The following CNTNAP2 variants were observed in gnomAD, a reference collection of about 807,000 sequenced individuals.
CNTNAP2 encodes the protein contactin associated protein 2, also known as contactin-associated protein-like 2.
In CNTNAP2, 98 loss-of-function variants were observed where a neutral mutation model predicts 155.2. That is an observed-to-expected ratio of 0.63 (90% CI 0.54 to 0.75). The LOEUF (loss-of-function observed/expected upper bound fraction) is 0.75, where lower values mean the gene tolerates loss of function less well. Ranked by LOEUF, CNTNAP2 falls within the 30% of genes least tolerant of loss-of-function variation. The pLI, the probability that CNTNAP2 is intolerant of heterozygous loss-of-function variation, is 0.00. For synonymous variants in CNTNAP2, 651 were observed against 631.2 expected (o/e 1.03, Z -0.47); for missense variants, 1,727 against 1,688.1 (o/e 1.02, Z -0.40).
chr7:146,244,954 C>T (rs1335269757), intron 1 of CNTNAP2, among the ~76,000 whole-genome samples: 1 of 151,472 alleles, frequency 6.6e-6, no homozygotes, highest in African/African-American at 2.4e-5. Context: ...AGGGAGGGGG[C>T]CTGAATAATC....
chr7:147,056,128 C>T (rs1387905475), intron 4 of CNTNAP2, among the ~76,000 whole-genome samples: 1 of 152,136 alleles, frequency 6.6e-6, no homozygotes, highest in Non-Finnish European at 1.5e-5. Flanking sequence ...ACAACATGAA[C>T]AACATGTAAA....
chr7:146,869,407 G>A (rs968666016), intron 3 of CNTNAP2, among the ~76,000 whole-genome samples: 2 of 152,124 alleles, frequency 1.3e-5, no homozygotes, highest in East Asian at 3.9e-4. Flanking sequence ...TTGATGTGCT[G>A]CTGGTCTCAG....
At chr7:146,751,929 T>C (rs550532490) in intron 1 of CNTNAP2, among the ~76,000 whole-genome samples, 2 of 152,320 alleles carry the variant, frequency 1.3e-5, no homozygotes, top group African/African-American at 4.8e-5. Flanking sequence ...TCCAGCTTCA[T>C]CCATGTCTCT....
At chr7:147,374,790 T>C (rs1796406732) in intron 9 of CNTNAP2, among the ~76,000 whole-genome samples, 1 of 152,042 alleles carries the variant, frequency 6.6e-6, no homozygotes, top group Non-Finnish European at 1.5e-5. Flanking sequence ...CCTTAAAATA[T>C]TTTTGTCACG....
At chr7:146,388,110 A>C (rs952001144) in intron 1 of CNTNAP2, among the ~76,000 whole-genome samples, 3 of 148,402 alleles carry the variant, frequency 2.0e-5, no homozygotes, top group Non-Finnish European at 4.5e-5. Flanking sequence ...TTTAATTTTT[A>C]ACATTTATTT....
chr7:147,436,140 CTA>C (rs1797544556), intron 10 of CNTNAP2, among the ~76,000 whole-genome samples: 1 of 152,118 alleles, frequency 6.6e-6, no homozygotes. Flanking sequence ...TTATAAGCTA[CTA>C]GAAGAATAAA....
intron 13 of CNTNAP2, among the ~76,000 whole-genome samples, chr7:147,723,169 G>GAA (rs140730780): frequency 2.0e-5 from 3 of 149,272 alleles, no homozygotes; most frequent in Non-Finnish European, 4.5e-5. Context: ...TCTACTCCAT[G>GAA]AAAAAAAAAA....
intron 1 of CNTNAP2, among the ~76,000 whole-genome samples, chr7:146,548,593 C>T (rs11766238): frequency 0.38 from 57,668 of 151,766 alleles, 12,460 homozygotes; most frequent in South Asian, 0.51. Flanking sequence ...TGACTAGTGA[C>T]GCTAAGCAAT....
chr7:147,702,795 G>A (rs1015866655), intron 13 of CNTNAP2, among the ~76,000 whole-genome samples: 4 of 152,058 alleles, frequency 2.6e-5, no homozygotes, highest in East Asian at 1.9e-4. Flanking sequence ...GAAAGGCCTC[G>A]TGCTGTTGTA....
rs143609414 is a variant in CNTNAP2, at chr7:148,296,545, C to CAAAAAAAAAAAAAAAAAA, written c.3475+29425_3475+29442dup. On this transcript the variant is annotated intron_variant, in intron 21 of 23. Coordinates refer to ENST00000361727, the MANE Select transcript of CNTNAP2 (RefSeq NM_014141.6). ...TGGGAAACAGAGCAAGACTCTGTCT[C>CAAAAAAAAAAAAAAAAAA]AAAAAAAAAAAAAAAAAAAAAAATT... 5.2e-5 allele frequency among the ~76,000 whole-genome samples: 4 copies of CAAAAAAAAAAAAAAAAAA among 76,604 alleles called. 1 individual carries two copies. The highest frequency in any genetic ancestry group is 5.1e-4 in the East Asian group (1 of 1,960). The allele number at this position is 76,604 out of a possible 152,430, so 50.3% of individuals were successfully genotyped here. A position where few individuals can be genotyped will look rare whatever the true frequency, so the allele number is the denominator to read the frequency against.
At chr7:148,067,619 C>G (rs533003318) in intron 15 of CNTNAP2, among the ~76,000 whole-genome samples, 1 of 152,354 alleles carries the variant, frequency 6.6e-6, no homozygotes, top group South Asian at 2.1e-4. Flanking sequence ...AGAGGTGGCA[C>G]TTTTAAGAGA....
intron 9 of CNTNAP2, among the ~76,000 whole-genome samples, chr7:147,365,346 G>A (rs1451820494): frequency 7.8e-6 from 1 of 127,840 alleles, no homozygotes; most frequent in Non-Finnish European, 1.6e-5. Flanking sequence ...TTGCACTCCA[G>A]CCTGGGCAGC....
At chr7:146,703,634 C>T (rs1254319813) in intron 1 of CNTNAP2, among the ~76,000 whole-genome samples, 1 of 151,982 alleles carries the variant, frequency 6.6e-6, no homozygotes, top group African/African-American at 2.4e-5. Context: ...AGGGCTTGTT[C>T]CCTATAAGAA....
intron 13 of CNTNAP2, among the ~76,000 whole-genome samples, chr7:147,895,504 A>G (rs991921527): frequency 6.6e-6 from 1 of 152,234 alleles, no homozygotes; most frequent in Non-Finnish European, 1.5e-5. Flanking sequence ...TTAGAATGCC[A>G]TTCATCATTA....
intron 3 of CNTNAP2, among the ~76,000 whole-genome samples, chr7:146,918,513 C>G (rs1163620976): frequency 6.6e-6 from 1 of 152,168 alleles, no homozygotes; most frequent in Non-Finnish European, 1.5e-5. Context: ...GGACTCCAGT[C>G]CCTTCTAGCT....
intron 8 of CNTNAP2, among the ~76,000 whole-genome samples, chr7:147,224,213 G>A (rs1803472612): frequency 6.6e-6 from 1 of 152,134 alleles, no homozygotes; most frequent in Non-Finnish European, 1.5e-5. Flanking sequence ...TGCTTTTTAT[G>A]TGTTGTTAGA....
At position 147,159,594 on chromosome 7, in the gene CNTNAP2, A is replaced by C. The variant is rs191634161; in HGVS notation, c.1348+27085A>C. ...TATTAATATTTTAAATATGCGGAAC[A>C]AGGTAAAGTAGTCTCATCTCGTTTT... On this transcript the variant is annotated intron_variant, in intron 8 of 23. Transcript: ENST00000361727. Among the ~76,000 whole-genome samples, 585 of 152,254 alleles carry C rather than the reference A, an allele frequency of 3.8e-3. 5 individuals are homozygous for C. The highest frequency in any genetic ancestry group is 0.014 in the African/African-American group (565 of 41,570).
intron 9 of CNTNAP2, among the ~76,000 whole-genome samples, chr7:147,334,401 C>T (rs1795629615): frequency 6.6e-6 from 1 of 152,196 alleles, no homozygotes; most frequent in Non-Finnish European, 1.5e-5. Context: ...TGTAGTTCTT[C>T]CCTTGCCATT....
intron 13 of CNTNAP2, among the ~76,000 whole-genome samples, chr7:147,848,354 G>A (rs1436744642): frequency 2.7e-5 from 4 of 150,354 alleles, no homozygotes; most frequent in Non-Finnish European, 4.4e-5. Context: ...GGAGTGACCC[G>A]ATTTTCCAGG....
Sources: gnomAD v4.1 joint callset for allele counts (sites outside exome capture counted in the v4.1 genomes callset) on GRCh38, gnomAD v4.1.1 for gene constraint, MANE v1.5 for transcripts, NCBI Gene and HGNC (gene_info 2026-07-23, HGNC 2026-07-21) for gene names.